KCNIP4: variants seen among roughly 807,000 people sequenced by gnomAD.
KCNIP4 encodes Kv channel-interacting protein 4.
A neutral mutation model predicts 34.0 loss-of-function variants in KCNIP4; 12 were observed. The ratio of observed to expected loss-of-function variants is 0.35; its 90% CI spans 0.23 to 0.57. The LOEUF is 0.57. Ranked by LOEUF, KCNIP4 falls within the 20% of genes least tolerant of loss-of-function variation. The pLI, the probability that KCNIP4 is intolerant of heterozygous loss-of-function variation, is 0.83. For missense variants in KCNIP4, 238 were observed against 311.7 expected (o/e 0.76, Z 1.78); for synonymous variants, 124 against 102.2 (o/e 1.21, Z -1.29).
rs34138343 is a variant in KCNIP4, at chr4:21,380,839, G to GACAC, written c.62-498134_62-498131dup. ...ACAGATACACTATATTTCCATTGGTGACACACACACACACACACACGAATT... is the reference window on the plus strand; with the variant it reads ...ACAGATACACTATATTTCCATTGGTGACACACACACACACACACACACACGAATT... On this transcript the variant is annotated intron_variant, in intron 1 of 8. Coordinates refer to ENST00000382152, the MANE Select transcript of KCNIP4 (RefSeq NM_025221.6). Among the ~76,000 whole-genome samples, 631 of 149,688 alleles carry GACAC rather than the reference G, an allele frequency of 4.2e-3. 3 individuals are homozygous for GACAC. The highest frequency in any genetic ancestry group is 0.01 in the African/African-American group (425 of 40,824).
chr4:20,906,654 G>A (rs762192913), intron 1 of KCNIP4, among the ~76,000 whole-genome samples: 110 of 151,988 alleles, frequency 7.2e-4, no homozygotes, highest in Middle Eastern at 6.3e-3. Flanking sequence ...ATTCACAAAG[G>A]GCTATTTTTC....
At chr4:21,476,304 A>G (rs190259395) in intron 1 of KCNIP4, among the ~76,000 whole-genome samples, 160 of 152,316 alleles carry the variant, frequency 1.1e-3, no homozygotes, top group African/African-American at 3.8e-3. Context: ...TCTGCTATGA[A>G]TTAAATGTTG....
At chr4:21,852,724 T>C (rs1442823862) in intron 1 of KCNIP4, 36 of 152,166 alleles carry the variant, frequency 2.4e-4, no homozygotes, top group Non-Finnish European at 4.4e-5. Flanking sequence ...TGCATGCAAC[T>C]GGTCTGTAGA....
At chr4:21,065,774 T>G (rs1744328380) in intron 1 of KCNIP4, among the ~76,000 whole-genome samples, 1 of 140,584 alleles carries the variant, frequency 7.1e-6, no homozygotes, top group African/African-American at 2.6e-5. Context: ...ATAACTCAAT[T>G]TTATTTTAAA....
intron 1 of KCNIP4, among the ~76,000 whole-genome samples, chr4:21,103,032 C>T (rs567920042): frequency 1.0e-3 from 152 of 152,088 alleles, no homozygotes; most frequent in African/African-American, 3.3e-3. Context: ...CTCACTTGCT[C>T]TTGCTATGTG....
chr4:21,568,633 C>G (rs1740103872), intron 1 of KCNIP4, among the ~76,000 whole-genome samples: 1 of 152,114 alleles, frequency 6.6e-6, no homozygotes. Context: ...TAAGTTCAAA[C>G]ATCAGACTCT....
intron 1 of KCNIP4, among the ~76,000 whole-genome samples, chr4:20,901,840 T>C (rs1191132003): frequency 2.6e-5 from 4 of 152,152 alleles, no homozygotes; most frequent in Non-Finnish European, 5.9e-5. Flanking sequence ...TCATATTTAT[T>C]CTTTAAGTAT....
intron 3 of KCNIP4, among the ~76,000 whole-genome samples, chr4:20,795,112 A>C (rs1040737242): frequency 3.3e-5 from 5 of 152,192 alleles, no homozygotes; most frequent in Non-Finnish European, 5.9e-5. Context: ...TGAAAAAGAA[A>C]AAACAATTTC....
intron 1 of KCNIP4, among the ~76,000 whole-genome samples, chr4:21,419,133 C>T (rs544890960): frequency 2.6e-5 from 4 of 152,244 alleles, no homozygotes; most frequent in South Asian, 4.1e-4. Context: ...TGCCATTCTG[C>T]CATATTATAT....
At chr4:21,813,316 C>A (rs998355390) in intron 1 of KCNIP4, among the ~76,000 whole-genome samples, 40 of 152,084 alleles carry the variant, frequency 2.6e-4, no homozygotes, top group African/African-American at 8.0e-4. Context: ...TGTATTTTAA[C>A]AAGAACAAAT....
At chr4:21,480,229 C>A (rs113719506) in intron 1 of KCNIP4, among the ~76,000 whole-genome samples, 1 of 151,902 alleles carries the variant, frequency 6.6e-6, no homozygotes, top group African/African-American at 2.4e-5. Context: ...ACTAGCTATT[C>A]CTTACATTAT....
intron 1 of KCNIP4, among the ~76,000 whole-genome samples, chr4:21,770,669 T>C (rs1718720180): frequency 6.6e-6 from 1 of 152,146 alleles, no homozygotes; most frequent in African/African-American, 2.4e-5. Context: ...TGGTATCGCA[T>C]TGTGATTTTG....
At chr4:20,790,798 C>A (rs1159206865) in intron 3 of KCNIP4, among the ~76,000 whole-genome samples, 1 of 152,118 alleles carries the variant, frequency 6.6e-6, no homozygotes, top group African/African-American at 2.4e-5. Flanking sequence ...GGAGAATAGA[C>A]AACATGTCAA....
intron 1 of KCNIP4, among the ~76,000 whole-genome samples, chr4:21,680,420 T>C (rs1367318653): frequency 2.0e-5 from 3 of 152,162 alleles, no homozygotes; most frequent in Non-Finnish European, 4.4e-5. Context: ...AAGTCACCCA[T>C]GAATGTTAGA....
At chr4:21,472,296 G>A (rs1010992692) in intron 1 of KCNIP4, among the ~76,000 whole-genome samples, 8 of 152,038 alleles carry the variant, frequency 5.3e-5, no homozygotes, top group Non-Finnish European at 1.2e-4. Context: ...AGAGGACCCC[G>A]AGATCGTAGG....
chr4:20,897,861 C>T (rs180683048), intron 1 of KCNIP4, among the ~76,000 whole-genome samples: 2 of 152,278 alleles, frequency 1.3e-5, no homozygotes, highest in African/African-American at 2.4e-5. Context: ...CAGTCTTTGA[C>T]ATTTTCTTAC....
chr4:20,980,219 C>G (rs994791641), intron 1 of KCNIP4, among the ~76,000 whole-genome samples: 3 of 152,192 alleles, frequency 2.0e-5, no homozygotes, highest in Non-Finnish European at 4.4e-5. Context: ...GTTGAGGGCA[C>G]TTTAATGTTC....
intron 7 of KCNIP4, 141 bp downstream of exon 7, chr4:20,732,535 TATTAA>T (rs1748572209): frequency 6.1e-6 from 4 of 658,950 alleles, no homozygotes; most frequent in South Asian, 5.1e-5. Context: ...AAACCAAAGC[TATTAA>T]ATTAATAGGA....
intron 1 of KCNIP4, among the ~76,000 whole-genome samples, chr4:21,470,349 A>T (rs1329293003): frequency 6.6e-6 from 1 of 152,178 alleles, no homozygotes; most frequent in East Asian, 1.9e-4. Context: ...AAGGAAAGAG[A>T]GAAGCAAGAG....
Sources: gnomAD v4.1 joint callset for allele counts (sites outside exome capture counted in the v4.1 genomes callset) on GRCh38, gnomAD v4.1.1 for gene constraint, MANE v1.5 for transcripts, NCBI Gene and HGNC (gene_info 2026-07-23, HGNC 2026-07-21) for gene names.